The following ACBD5 variants were observed in gnomAD, a reference collection of about 807,000 sequenced individuals.
ACBD5 encodes the protein acyl-CoA-binding domain-containing protein 5.
Under a neutral mutation model 71.8 loss-of-function variants are expected in ACBD5, and 40 were observed. The observed-to-expected ratio is 0.56, with a 90% confidence interval of 0.43 to 0.72. The LOEUF is 0.72. Among genes scored for constraint, ACBD5 ranks in the 30% least tolerant of loss-of-function variants. The pLI is 0.00. For missense variants in ACBD5, 559 were observed against 644.5 expected (o/e 0.87, Z 1.44); for synonymous variants, 229 against 218.6 (o/e 1.05, Z -0.42).
intron 4 of ACBD5, among the ~76,000 whole-genome samples, chr10:27,230,704 G>A (rs1390120601): frequency 1.3e-5 from 2 of 149,184 alleles, no homozygotes; most frequent in South Asian, 2.2e-4. Context: ...GGCTGAGGCA[G>A]GAGAATCTCT....
At chr10:27,237,580 T>A (rs1025913091) in intron 2 of ACBD5, among the ~76,000 whole-genome samples, 1 of 151,654 alleles carries the variant, frequency 6.6e-6, no homozygotes, top group African/African-American at 2.4e-5. Context: ...GATAACAGTA[T>A]ACTGGATGTT....
At position 27,217,981 on chromosome 10, in the gene ACBD5, T is replaced by G; in HGVS notation, c.828A>C (p.Gln276His). ...CACAGAATTATTTGGGGACAATACC[T>G]TGGTGAATGCAAACAGCAGATTTTC... is the stretch of plus-strand genomic sequence containing the variant. ...QTGKSAVCIH[Q>H]DINDDHVEDV... is the part of the protein sequence containing the mutation. The change falls in exon 7 of 13, where the codon CAA becomes CAC. Residue 276 changes from glutamine to histidine, a missense_variant and splice_region_variant. Physicochemically the swap from Gln to His is conservative, Grantham distance 24. Transcript: ENST00000396271. 6.2e-7 allele frequency: 1 copy of G among 1,614,024 alleles called. No homozygotes were observed. Among genetic ancestry groups the G allele is most frequent in the Non-Finnish European group, 8.5e-7 (1 of 1,179,890 alleles).
intron 8 of ACBD5, among the ~76,000 whole-genome samples, chr10:27,213,095 T>C (rs2061275509): frequency 6.6e-6 from 1 of 151,940 alleles, no homozygotes; most frequent in Non-Finnish European, 1.5e-5. Flanking sequence ...CAAACAGAAA[T>C]ATAGCTGTCA....
At position 27,219,836 on chromosome 10, in the gene ACBD5, G is replaced by T; in HGVS notation, c.512C>A (p.Ser171Tyr). 1.2e-6 allele frequency: 2 copies of T among 1,613,994 alleles called. No individual in the cohort carries two copies. Among genetic ancestry groups the T allele is most frequent in the Non-Finnish European group, 1.7e-6 (2 of 1,179,970 alleles). Residue 171 changes from serine (S) to tyrosine (Y), a missense_variant, in exon 6 of 13, where the codon TCT becomes TAT. By Grantham distance (144) the Ser-to-Tyr change is moderately radical. Transcript: ENST00000396271. ...ATTAACGGTTTTGGCGTTTGGAGTA[G>T]AAGTGAGAACATTACCAAGATCTAA... is the stretch of plus-strand genomic sequence containing the variant. ...ITSDLGNVLT[S>Y]TPNAKTVNGK...
chr10:27,217,124 C>T (rs7904576), intron 7 of ACBD5, among the ~76,000 whole-genome samples: 8,791 of 116,040 alleles, frequency 0.076, 577 homozygotes, highest in African/African-American at 0.19. Context: ...CCACCCTGGG[C>T]GACAGAGCGA....
At chr10:27,189,223 T>C (rs1159302917) in intron 13 of ACBD5, among the ~76,000 whole-genome samples, 1 of 152,218 alleles carries the variant, frequency 6.6e-6, no homozygotes, top group Non-Finnish European at 1.5e-5. Flanking sequence ...ACAAATGTAT[T>C]GTTCTTTGTT....
intron 4 of ACBD5, among the ~76,000 whole-genome samples, chr10:27,229,308 C>A (rs2063549562): frequency 6.6e-6 from 1 of 151,904 alleles, no homozygotes; most frequent in East Asian, 1.9e-4. Context: ...CAGTGACAGG[C>A]CAGGCACACG....
chr10:27,193,611 G>A (rs937796616), downstream of ACBD5: 2 of 152,278 alleles, frequency 1.3e-5, no homozygotes, highest in South Asian at 4.1e-4. Context: ...CTGATCAGAT[G>A]GAAAAATACA....
chr10:27,240,338 G>A lies in ACBD5; in HGVS notation c.162C>T (p.Ile54=). ...ACGTACCATTCTTCGGCAAACTCTG[G>A]ATCACCTTCACGGCCGCCTCAAACC... is the stretch of plus-strand genomic sequence containing the variant. The part of the protein sequence containing the change: ...ETRFEAAVKV[I]QSLPKNGSFQ... The change falls in exon 2 of 13, where the codon ATC becomes ATT. Residue 54 remains isoleucine, a synonymous_variant. Coordinates refer to ENST00000396271, the MANE Select transcript of ACBD5 (RefSeq NM_145698.5). The surrounding 1 kb of genome is among the most constrained non-coding windows in gnomAD (Gnocchi z 4.1). The A allele has an allele frequency of 6.2e-7, 1 of 1,613,978 alleles. No homozygotes were observed. Among genetic ancestry groups the A allele is most frequent in the Non-Finnish European group, 8.5e-7 (1 of 1,179,998 alleles).
chr10:27,214,823 A>G (rs1269521903), intron 8 of ACBD5, among the ~76,000 whole-genome samples: 1 of 152,200 alleles, frequency 6.6e-6, no homozygotes, highest in East Asian at 1.9e-4. Context: ...AGGTGGGAGC[A>G]CTGATTGAGG....
Position 27,187,751 on chromosome 10 carries a change from C to CAA in ACBD5, c.1494-5038_1494-5037dup, listed in dbSNP as rs11442040. On this transcript the variant is annotated intron_variant, in intron 13 of 13. Coordinates refer to the ACBD5 transcript ENST00000676511. ...TGGGCAACAGAATGAGACTCAGTCT[C>CAA]AAAAAAAAAAAAAATACTACTGGAA... 4.0e-3 allele frequency among the ~76,000 whole-genome samples: 559 copies of CAA among 139,302 alleles called. 3 individuals carry two copies. Among genetic ancestry groups the CAA allele is most frequent in the South Asian group, 0.015 (67 of 4,344 alleles). The allele number at this position is 139,302 out of a possible 152,430, so 91.4% of individuals were successfully genotyped here.
At position 27,231,769 on chromosome 10, in the gene ACBD5, T is replaced by G. The variant is rs1162913089; in HGVS notation, c.354A>C (p.Ala118=). The G allele has an allele frequency of 1.2e-6, 2 of 1,613,820 alleles. No homozygotes were observed. Among genetic ancestry groups the G allele is most frequent in the Non-Finnish European group, 1.7e-6 (2 of 1,179,940 alleles). The part of the protein sequence containing the change: ...GDMTKEEAMI[A]YVEEMKKIIE... ...CTACCTTTTTCATTTCTTCAACATATGCAATCATGGCTTCCTCTTTGGTCA... is the reference window on the plus strand; with the variant it reads ...CTACCTTTTTCATTTCTTCAACATAGGCAATCATGGCTTCCTCTTTGGTCA... Residue 118 remains alanine (A), a synonymous_variant, in exon 4 of 13, where the codon GCA becomes GCC. Transcript: ENST00000396271.
intron 9 of ACBD5, among the ~76,000 whole-genome samples, chr10:27,210,508 AG>A (rs2060948867): frequency 1.3e-5 from 2 of 152,328 alleles, no homozygotes; most frequent in South Asian, 4.1e-4. Context: ...CTGTAATCCC[AG>A]CACTTTGGGA....
upstream of ACBD5, among the ~76,000 whole-genome samples, chr10:27,241,554 G>A (rs1232138391): frequency 6.6e-6 from 1 of 152,128 alleles, no homozygotes; most frequent in African/African-American, 2.4e-5. Context: ...GGCACCTCCA[G>A]CGGGATTTAA....
Position 27,217,971 on chromosome 10 carries a change from G to A in ACBD5, c.829+9C>T, listed in dbSNP as rs759585224. On this transcript the variant is annotated intron_variant, in intron 7 of 12. Coordinates refer to ENST00000396271, the MANE Select transcript of ACBD5 (RefSeq NM_145698.5). ...AGAGGCTGGACACAGAATTATTTGG[G>A]GACAATACCTTGGTGAATGCAAACA... is the stretch of plus-strand genomic sequence containing the variant. The A allele has an allele frequency of 6.2e-7, 1 of 1,613,048 alleles. No individual in the cohort carries two copies. Among genetic ancestry groups the A allele is most frequent in the Admixed American group, 1.7e-5 (1 of 60,008 alleles).
intron 12 of ACBD5, among the ~76,000 whole-genome samples, chr10:27,200,225 T>G (rs1445915270): frequency 6.6e-6 from 1 of 152,078 alleles, no homozygotes; most frequent in Admixed American, 6.6e-5. Context: ...AGAAGCTGGC[T>G]AAAACCCACC....
intron 2 of ACBD5, among the ~76,000 whole-genome samples, chr10:27,239,190 T>G (rs141211394): frequency 6.6e-6 from 1 of 152,266 alleles, no homozygotes; most frequent in African/African-American, 2.4e-5. Context: ...AGAGCGGAAC[T>G]CCATCTCTAA....
chr10:27,198,491 A>T (rs2059584504), intron 12 of ACBD5, among the ~76,000 whole-genome samples: 1 of 152,202 alleles, frequency 6.6e-6, no homozygotes, highest in Non-Finnish European at 1.5e-5. Context: ...CTCCTTTGGC[A>T]GGAGTGATAT....
chr10:27,217,923 T>G (rs1413101150), intron 7 of ACBD5, 57 bp downstream of exon 7: 8 of 1,454,410 alleles, frequency 5.5e-6, no homozygotes, highest in Non-Finnish European at 7.7e-6. Flanking sequence ...ATCCTATAAT[T>G]ACTAAAAGAC....
Sources: allele counts gnomAD v4.1 joint callset (sites outside exome capture counted in the v4.1 genomes callset), GRCh38; gene constraint gnomAD v4.1.1; non-coding constraint Gnocchi (gnomAD v3.1); transcripts MANE v1.5; gene names NCBI Gene and HGNC (gene_info 2026-07-23, HGNC 2026-07-21).